SLC4A10: variants seen among roughly 807,000 people sequenced by gnomAD.
The protein encoded by SLC4A10 is solute carrier family 4 member 10.
SLC4A10 carries 42 observed loss-of-function variants against 137.7 expected under a neutral mutation model. The ratio of observed to expected loss-of-function variants is 0.30; its 90% CI spans 0.24 to 0.39. SLC4A10 has a LOEUF of 0.39. Among genes scored for constraint, SLC4A10 ranks in the 10% least tolerant of loss-of-function variants. The pLI is 1.00. For synonymous variants in SLC4A10, 474 were observed against 464.1 expected, an observed-to-expected ratio of 1.02 and a Z score of -0.27; for missense variants, 925 against 1,355.0, an observed-to-expected ratio of 0.68 and a Z score of 4.98.
chr2:161,862,841 T>G (rs762438901), intron 5 of SLC4A10, 33 bp from the exon 6 acceptor site: 3 of 1,503,566 alleles, frequency 2.0e-6, no homozygotes, highest in African/African-American at 2.8e-5. Flanking sequence ...AGAGGAAAGC[T>G]GTGCTTATCT....
intron 26 of SLC4A10, 56 bp from the exon 27 acceptor site, chr2:161,983,123 T>A: frequency 6.7e-7 from 1 of 1,484,380 alleles, no homozygotes; most frequent in Non-Finnish European, 9.1e-7. Flanking sequence ...CAAGCAGATG[T>A]CATAGTAGCC....
chr2:161,823,338 G>A (rs760020994), intron 3 of SLC4A10, among the ~76,000 whole-genome samples: 1 of 152,182 alleles, frequency 6.6e-6, no homozygotes, highest in Non-Finnish European at 1.5e-5. Context: ...GCCACTTGCT[G>A]TTGCTATTGT....
chr2:161,772,879 T>C (rs1218738563), intron 2 of SLC4A10, among the ~76,000 whole-genome samples: 1 of 151,848 alleles, frequency 6.6e-6, no homozygotes, highest in East Asian at 1.9e-4. Flanking sequence ...GATCTACTAG[T>C]TGTTCTGGAT....
chr2:161,918,091 C>G (rs1687455537), intron 15 of SLC4A10, among the ~76,000 whole-genome samples: 1 of 152,140 alleles, frequency 6.6e-6, no homozygotes, highest in South Asian at 2.1e-4. Context: ...GGAGAATTTG[C>G]ATACATTATT....
At chr2:161,696,657 A>T (rs1466444760) in intron 1 of SLC4A10, among the ~76,000 whole-genome samples, 1 of 152,040 alleles carries the variant, frequency 6.6e-6, no homozygotes, top group African/African-American at 2.4e-5. Flanking sequence ...ATGGCTGCAT[A>T]GTATTCCATG....
intron 1 of SLC4A10, among the ~76,000 whole-genome samples, chr2:161,625,371 T>C (rs988337984): frequency 2.0e-5 from 3 of 152,040 alleles, no homozygotes; most frequent in East Asian, 1.9e-4. Flanking sequence ...GCAACATCTT[T>C]TTCTGTCTGG....
At chr2:161,751,239 A>G (rs1470821469) in intron 1 of SLC4A10, among the ~76,000 whole-genome samples, 2 of 151,474 alleles carry the variant, frequency 1.3e-5, no homozygotes, top group African/African-American at 4.8e-5. Context: ...GTTCATTTAC[A>G]TTTAAATAAT....
intron 15 of SLC4A10, among the ~76,000 whole-genome samples, chr2:161,921,828 T>C (rs891498374): frequency 6.6e-6 from 1 of 152,166 alleles, no homozygotes; most frequent in African/African-American, 2.4e-5. Context: ...AAAGTAAAAA[T>C]AATAGCAAAT....
At chr2:161,920,443 G>C (rs1687917045) in intron 15 of SLC4A10, among the ~76,000 whole-genome samples, 1 of 152,180 alleles carries the variant, frequency 6.6e-6, no homozygotes. Context: ...GGAATAAGAA[G>C]TCTGGAAGTA....
Position 161,976,749 on chromosome 2 carries a change from C to T in SLC4A10, c.3228-11C>T. ...ATGTTTATTATTTCATTTGGGGAAA[C>T]TCCTGTCTAGAGATGATCCATCTGT... On this transcript the variant is annotated splice_polypyrimidine_tract_variant and intron_variant, in intron 24 of 26. Coordinates refer to ENST00000446997, the MANE Select transcript of SLC4A10 (RefSeq NM_001178015.2). 1 of 1,423,926 alleles carries T rather than the reference C, an allele frequency of 7.0e-7. No homozygotes were observed. The highest frequency in any genetic ancestry group is 9.5e-7 in the Non-Finnish European group (1 of 1,057,668). 88.2% of individuals were successfully genotyped at this position (1,423,926 alleles called of 1,614,324 possible).
At chr2:161,927,714 C>T (rs886793824) in intron 15 of SLC4A10, among the ~76,000 whole-genome samples, 94 of 152,238 alleles carry the variant, frequency 6.2e-4, no homozygotes, top group African/African-American at 2.2e-3. Flanking sequence ...GGGCAAAGGA[C>T]ATGAACAGAC....
chr2:161,870,703 TCA>T (rs1230903198), intron 6 of SLC4A10, among the ~76,000 whole-genome samples: 2 of 151,852 alleles, frequency 1.3e-5, no homozygotes, highest in African/African-American at 4.8e-5. Context: ...AATGAACAGT[TCA>T]CAGTCATAGC....
intron 4 of SLC4A10, among the ~76,000 whole-genome samples, chr2:161,850,199 G>A (rs1212012291): frequency 6.6e-6 from 1 of 152,030 alleles, no homozygotes; most frequent in Admixed American, 6.6e-5. Context: ...AGACCAGCTT[G>A]GCCAAAATGG....
At chr2:161,669,493 A>C (rs979153484) in intron 1 of SLC4A10, among the ~76,000 whole-genome samples, 1 of 151,970 alleles carries the variant, frequency 6.6e-6, no homozygotes, top group Non-Finnish European at 1.5e-5. Context: ...TCATAATTAA[A>C]TGTGCCATAG....
intron 24 of SLC4A10, among the ~76,000 whole-genome samples, chr2:161,976,366 T>A (rs948783191): frequency 6.6e-6 from 1 of 152,020 alleles, no homozygotes; most frequent in African/African-American, 2.4e-5. Context: ...AAAAGACAAA[T>A]ACTGTATGAT....
chr2:161,859,300 T>TC (rs199954968), intron 5 of SLC4A10, among the ~76,000 whole-genome samples: 6 of 133,442 alleles, frequency 4.5e-5, no homozygotes, highest in African/African-American at 1.1e-4. Context: ...TCTTTTCTTT[T>TC]TTTTTTTTTT....
chr2:161,900,967 G>A lies in SLC4A10; in HGVS notation c.1398G>A (p.Glu466=). ...PNGTAAHGEA[E]PHGGHSGPEL... ...GAACAGCAGCTCATGGGGAAGCAGA[G>A]CCCCACGGAGGACATAGTGGACCTG... The change falls in exon 12 of 27, where the codon GAG becomes GAA. Residue 466 remains glutamate, a synonymous_variant. Transcript: ENST00000446997. 6.4e-7 allele frequency: 1 copy of A among 1,569,256 alleles called. No homozygotes were observed. Among genetic ancestry groups the A allele is most frequent in the Non-Finnish European group, 8.6e-7 (1 of 1,156,432 alleles).
At chr2:161,918,853 G>A (rs1687607817) in intron 15 of SLC4A10, among the ~76,000 whole-genome samples, 1 of 152,148 alleles carries the variant, frequency 6.6e-6, no homozygotes, top group African/African-American at 2.4e-5. Flanking sequence ...GAGCAGGCAG[G>A]ACCCAGGAAA....
chr2:161,850,097 T>A (rs2125835289), intron 4 of SLC4A10, among the ~76,000 whole-genome samples: 1 of 152,238 alleles, frequency 6.6e-6, no homozygotes, highest in South Asian at 2.1e-4. Context: ...GGTTTCAATT[T>A]CTTTCTGGTT....
Sources: gnomAD v4.1 joint callset for allele counts (sites outside exome capture counted in the v4.1 genomes callset) on GRCh38, gnomAD v4.1.1 for gene constraint, MANE v1.5 for transcripts, NCBI Gene and HGNC (gene_info 2026-07-23, HGNC 2026-07-21) for gene names.